The following GAREM1 variants were observed in gnomAD, a reference collection of about 807,000 sequenced individuals.
The protein encoded by GAREM1 is GRB2 associated regulator of MAPK1 subtype 1.
A neutral mutation model predicts 71.3 loss-of-function variants in GAREM1; 26 were observed. That is an observed-to-expected ratio of 0.36 (90% CI 0.27 to 0.51). The LOEUF (loss-of-function observed/expected upper bound fraction) is 0.51, where lower values mean the gene tolerates loss of function less well. Among genes scored for constraint, GAREM1 ranks in the 20% least tolerant of loss-of-function variants. The probability of loss-of-function intolerance (pLI) is 0.95; values close to 1 mark genes in which losing one functional copy is unlikely to be tolerated. For synonymous variants in GAREM1, 440 were observed against 433.2 expected, an observed-to-expected ratio of 1.02 and a Z score of -0.20; for missense variants, 1,026 against 1,103.1, an observed-to-expected ratio of 0.93 and a Z score of 0.99.
At position 32,392,953 on chromosome 18, in the gene GAREM1, G is replaced by A; in HGVS notation, c.204C>T (p.Ser68=). ...CAATGACATAGTGACCCTCCTCCAA[G>A]CTGTGGGCAGTGATGGTGGTCCACT... The part of the protein sequence containing the change: ...CRQWTTITAH[S]LEEGHYVIGP... The change falls in exon 2 of 6, where the codon AGC becomes AGT. Residue 68 remains serine, a synonymous_variant. Transcript: ENST00000269209. The A allele has an allele frequency of 2.5e-6, 4 of 1,613,876 alleles. No individual in the cohort carries two copies. Among genetic ancestry groups the A allele is most frequent in the Non-Finnish European group, 2.5e-6 (3 of 1,179,876 alleles).
intron 2 of GAREM1, among the ~76,000 whole-genome samples, chr18:32,342,382 C>G (rs1268410789): frequency 1.3e-5 from 2 of 152,204 alleles, no homozygotes; most frequent in Non-Finnish European, 2.9e-5. Context: ...TTGATCATGT[C>G]ATTCCCAGCC....
At chr18:32,457,288 T>A (rs965494473) in intron 1 of GAREM1, among the ~76,000 whole-genome samples, 1 of 150,428 alleles carries the variant, frequency 6.6e-6, no homozygotes, top group Non-Finnish European at 1.5e-5. Flanking sequence ...AATCAAAATG[T>A]TGGTGGTTAT....
intron 2 of GAREM1, among the ~76,000 whole-genome samples, chr18:32,327,399 T>C (rs2047484238): frequency 6.6e-6 from 1 of 152,222 alleles, no homozygotes; most frequent in Non-Finnish European, 1.5e-5. Context: ...TTATCTTCAT[T>C]AATATCTAGT....
At chr18:32,368,035 C>G (rs1024361597) in intron 2 of GAREM1, among the ~76,000 whole-genome samples, 1 of 150,976 alleles carries the variant, frequency 6.6e-6, no homozygotes, top group African/African-American at 2.4e-5. Context: ...TGCTTACCCC[C>G]CTTTCTTTTA....
At chr18:32,405,088 A>T (rs2048353261) in intron 1 of GAREM1, among the ~76,000 whole-genome samples, 1 of 152,188 alleles carries the variant, frequency 6.6e-6, no homozygotes, top group African/African-American at 2.4e-5. Flanking sequence ...TCTTTTAATA[A>T]ATAGTGTGGC....
intron 2 of GAREM1, among the ~76,000 whole-genome samples, chr18:32,341,412 TA>T (rs1246028328): frequency 6.6e-6 from 1 of 152,232 alleles, no homozygotes; most frequent in African/African-American, 2.4e-5. Context: ...AAGTCTTTGC[TA>T]TTGTGAATAG....
intron 1 of GAREM1, among the ~76,000 whole-genome samples, chr18:32,449,265 C>T (rs1050542682): frequency 5.9e-5 from 9 of 152,108 alleles, no homozygotes; most frequent in African/African-American, 2.2e-4. Flanking sequence ...TAAACACCAA[C>T]GGATTTGTTT....
intron 2 of GAREM1, among the ~76,000 whole-genome samples, chr18:32,321,725 T>C (rs938581543): frequency 6.6e-6 from 1 of 152,220 alleles, no homozygotes; most frequent in Non-Finnish European, 1.5e-5. Flanking sequence ...AACTCCATTC[T>C]TTTTCTTACA....
intron 2 of GAREM1, among the ~76,000 whole-genome samples, chr18:32,345,840 T>C (rs1404479359): frequency 2.0e-5 from 3 of 152,224 alleles, no homozygotes; most frequent in Admixed American, 6.5e-5. Context: ...CAGCAGTTAA[T>C]CATCTTGACG....
chr18:32,387,121 A>C (rs1567990359), intron 2 of GAREM1, among the ~76,000 whole-genome samples: 4 of 151,778 alleles, frequency 2.6e-5, no homozygotes, highest in African/African-American at 9.7e-5. Flanking sequence ...CACCAGCTTT[A>C]GGTAACCAAC....
chr18:32,394,432 G>A (rs564706218), intron 1 of GAREM1, among the ~76,000 whole-genome samples: 2 of 152,078 alleles, frequency 1.3e-5, no homozygotes, highest in African/African-American at 4.8e-5. Flanking sequence ...AAATAAAAAG[G>A]TTAAAACAGT....
chr18:32,348,393 C>A (rs2047716209), intron 2 of GAREM1, among the ~76,000 whole-genome samples: 1 of 152,138 alleles, frequency 6.6e-6, no homozygotes, highest in Non-Finnish European at 1.5e-5. Context: ...AGGCAATATT[C>A]AACATCAGCC....
At chr18:32,299,338 C>A (rs1406286160) in intron 3 of GAREM1, among the ~76,000 whole-genome samples, 3 of 151,878 alleles carry the variant, frequency 2.0e-5, no homozygotes, top group East Asian at 3.9e-4. Context: ...CATGGTGAAA[C>A]CCTGTCTCTA....
chr18:32,433,352 GT>G, intron 1 of GAREM1, among the ~76,000 whole-genome samples: 2 of 151,042 alleles, frequency 1.3e-5, no homozygotes. Flanking sequence ...AAGAACAAAT[GT>G]TTTCCCCCTA....
intron 3 of GAREM1, among the ~76,000 whole-genome samples, chr18:32,292,314 T>C (rs1179660577): frequency 6.6e-6 from 1 of 152,218 alleles, no homozygotes; most frequent in Non-Finnish European, 1.5e-5. Flanking sequence ...TTTGTTCATA[T>C]CCTTCACCCA....
At chr18:32,452,065 G>C (rs1342457961) in intron 1 of GAREM1, among the ~76,000 whole-genome samples, 1 of 151,962 alleles carries the variant, frequency 6.6e-6, no homozygotes, top group Non-Finnish European at 1.5e-5. Context: ...ATGCTTTCTT[G>C]AGAAGGAGAA....
intron 2 of GAREM1, among the ~76,000 whole-genome samples, chr18:32,332,011 T>C (rs1288968694): frequency 1.3e-5 from 2 of 150,632 alleles, no homozygotes; most frequent in African/African-American, 2.4e-5. Context: ...CTGTGTCCTT[T>C]CGTACAGGAA....
chr18:32,384,504 G>A (rs995397508), intron 2 of GAREM1, among the ~76,000 whole-genome samples: 2 of 151,994 alleles, frequency 1.3e-5, no homozygotes, highest in East Asian at 1.9e-4. Context: ...TGGAAAATTC[G>A]GGTAATGAAC....
intron 4 of GAREM1, among the ~76,000 whole-genome samples, chr18:32,271,298 T>C (rs1184691712): frequency 6.6e-6 from 1 of 152,140 alleles, no homozygotes. Context: ...GTTCAAGCAA[T>C]TCTCCTGCCT....
Sources: gnomAD v4.1 joint callset for allele counts (sites outside exome capture counted in the v4.1 genomes callset) on GRCh38, gnomAD v4.1.1 for gene constraint, MANE v1.5 for transcripts, NCBI Gene and HGNC (gene_info 2026-07-23, HGNC 2026-07-21) for gene names.